KIRREL3: variants seen among roughly 807,000 people sequenced by gnomAD.
The protein encoded by KIRREL3 is kirre like nephrin family adhesion molecule 3.
In KIRREL3, 36 loss-of-function variants were observed where a neutral mutation model predicts 89.7. The ratio of observed to expected loss-of-function variants is 0.40; its 90% CI spans 0.31 to 0.53. KIRREL3 has a LOEUF of 0.53. KIRREL3 is among the 20% of genes least tolerant of loss of function. The probability of loss-of-function intolerance (pLI) is 0.49; values close to 1 mark genes in which losing one functional copy is unlikely to be tolerated. For missense variants in KIRREL3, 864 were observed against 1,056.6 expected (o/e 0.82, Z 2.53); for synonymous variants, 445 against 441.4 (o/e 1.01, Z -0.10).
chr11:126,726,156 A>C (rs1299834497), intron 1 of KIRREL3, among the ~76,000 whole-genome samples: 1 of 152,118 alleles, frequency 6.6e-6, no homozygotes, highest in Non-Finnish European at 1.5e-5. Context: ...CTAAGGCTCC[A>C]CTGAACCCAG....
intron 1 of KIRREL3, among the ~76,000 whole-genome samples, chr11:126,951,646 T>C (rs1273023667): frequency 6.6e-6 from 1 of 152,220 alleles, no homozygotes; most frequent in Non-Finnish European, 1.5e-5. Flanking sequence ...GCCTACTTCC[T>C]CCTTCTCTTC....
Position 126,476,574 on chromosome 11 carries a change from C to T in KIRREL3, c.434-3108G>A, listed in dbSNP as rs1957072313. On this transcript the variant is annotated intron_variant, in intron 4 of 16. Coordinates refer to ENST00000525144, the MANE Select transcript of KIRREL3 (RefSeq NM_032531.4). This position sits in a 1 kb window ranked among gnomAD's most constrained non-coding sequence, Gnocchi z 6.4. ...CAGAATGGGGCCTGATTACATCTTC[C>T]CAAATAAGTGGTTATCATGCTGGGT... 2.0e-5 allele frequency among the ~76,000 whole-genome samples: 3 copies of T among 150,404 alleles called. No individual in the cohort carries two copies. Among genetic ancestry groups the T allele is most frequent in the Non-Finnish European group, 4.4e-5 (3 of 67,774 alleles).
At chr11:126,939,374 T>C (rs1948341819) in intron 1 of KIRREL3, among the ~76,000 whole-genome samples, 1 of 152,168 alleles carries the variant, frequency 6.6e-6, no homozygotes, top group African/African-American at 2.4e-5. Context: ...CTCTTAAACA[T>C]GGGGCATCCA....
At chr11:126,602,482 C>T (rs886970622) in intron 1 of KIRREL3, among the ~76,000 whole-genome samples, 1 of 152,222 alleles carries the variant, frequency 6.6e-6, no homozygotes, top group Non-Finnish European at 1.5e-5. Flanking sequence ...TCACAACCAT[C>T]CTGTGCTGTC....
At position 126,748,212 on chromosome 11, in the gene KIRREL3, G is replaced by A. The variant is rs1286724017; in HGVS notation, c.56-185300C>T. Among the ~76,000 whole-genome samples the A allele has an allele frequency of 1.3e-5, 2 of 152,194 alleles. No homozygotes were observed. Among genetic ancestry groups the A allele is most frequent in the African/African-American group, 4.8e-5 (2 of 41,462 alleles). Reference sequence around the variant, plus strand: ...CAAGAAGCTGCCTGGATGCTTTCTGGCCTTCTGGGTGTGCAGACAATCTCA... The same window carrying A: ...CAAGAAGCTGCCTGGATGCTTTCTGACCTTCTGGGTGTGCAGACAATCTCA... On this transcript the variant is annotated intron_variant, in intron 1 of 16. Transcript: ENST00000525144. The surrounding 1 kb of genome is among the most constrained non-coding windows in gnomAD (Gnocchi z 4.6).
rs1948696154 is a variant in KIRREL3, at chr11:126,948,883, C to A, written c.55+51572G>T. On this transcript the variant is annotated intron_variant, in intron 1 of 16. Coordinates refer to ENST00000525144, the MANE Select transcript of KIRREL3 (RefSeq NM_032531.4). The surrounding 1 kb of genome is among the most constrained non-coding windows in gnomAD (Gnocchi z 4.5). ...ACATAATCCCCAACCCTACAGCCTC[C>A]AAAACATAATCCCATATACATATAC... 6.6e-6 allele frequency among the ~76,000 whole-genome samples: 1 copy of A among 152,126 alleles called. No individual in the cohort carries two copies. The highest frequency in any genetic ancestry group is 6.5e-5 in the Admixed American group (1 of 15,274).
At chr11:126,433,307 G>T (rs1248606952) in intron 13 of KIRREL3, among the ~76,000 whole-genome samples, 1 of 152,210 alleles carries the variant, frequency 6.6e-6, no homozygotes, top group Non-Finnish European at 1.5e-5. Context: ...TAAGCCTCTT[G>T]CTGTCTTTTT....
chr11:126,727,075 G>A (rs1948416887), intron 1 of KIRREL3, among the ~76,000 whole-genome samples: 1 of 152,038 alleles, frequency 6.6e-6, no homozygotes, highest in Non-Finnish European at 1.5e-5. Context: ...GAGTGCTTCT[G>A]AAAGGCAGAG....
rs997346521 is a variant in KIRREL3, at chr11:126,891,601, C to T, written c.55+108854G>A. On this transcript the variant is annotated intron_variant, in intron 1 of 16. Transcript: ENST00000525144. This position sits in a 1 kb window ranked among gnomAD's most constrained non-coding sequence, Gnocchi z 5.1. ...ATCACTATCACTGTCAGGGAGCAAA[C>T]GGCAGAAGCCAGTCTCAGGGAAGCC... 4.6e-5 allele frequency among the ~76,000 whole-genome samples: 7 copies of T among 152,222 alleles called. No homozygotes were observed. Among genetic ancestry groups the T allele is most frequent in the Non-Finnish European group, 8.8e-5 (6 of 68,040 alleles).
In KIRREL3 at chr11:126,578,932, C is replaced by A. The variant is rs917336967; in HGVS notation, c.56-16020G>T. On this transcript the variant is annotated intron_variant, in intron 1 of 16. Coordinates refer to ENST00000525144, the MANE Select transcript of KIRREL3 (RefSeq NM_032531.4). The surrounding 1 kb of genome is among the most constrained non-coding windows in gnomAD (Gnocchi z 4.9). ...CACTCTCTCACTTATCCTCACCATG[C>A]CTAGAGATGGGACTTTGTCTCCATG... Among the ~76,000 whole-genome samples, 2 of 152,130 alleles carry A rather than the reference C, an allele frequency of 1.3e-5. No homozygotes were observed. Among genetic ancestry groups the A allele is most frequent in the Non-Finnish European group, 2.9e-5 (2 of 68,032 alleles).
At chr11:126,464,830 C>T (rs539228097) in intron 5 of KIRREL3, among the ~76,000 whole-genome samples, 1 of 152,320 alleles carries the variant, frequency 6.6e-6, no homozygotes, top group South Asian at 2.1e-4. Flanking sequence ...TAATTGATTT[C>T]TGTTGTGTCA....
rs1054558960 is a variant in KIRREL3 at position 126,513,989 on chromosome 11, C to T, written c.433+7326G>A. Among the ~76,000 whole-genome samples the T allele has an allele frequency of 1.6e-4, 24 of 152,064 alleles. No homozygotes were observed. The highest frequency in any genetic ancestry group is 5.6e-4 in the African/African-American group (23 of 41,396). On this transcript the variant is annotated intron_variant, in intron 4 of 16. Coordinates refer to ENST00000525144, the MANE Select transcript of KIRREL3 (RefSeq NM_032531.4). The surrounding 1 kb of genome is among the most constrained non-coding windows in gnomAD (Gnocchi z 5.9). The stretch of plus-strand genomic sequence containing the variant: ...TATCACCTGCCCAGCAGGTGAGCTC[C>T]GAGTTAGATGGGAGGCTAAGGTGGT...
In KIRREL3 at chr11:126,891,144, G is replaced by A. The variant is rs1334422337; in HGVS notation, c.55+109311C>T. 6.6e-6 allele frequency among the ~76,000 whole-genome samples: 1 copy of A among 152,162 alleles called. No individual in the cohort carries two copies. The highest frequency in any genetic ancestry group is 2.4e-5 in the African/African-American group (1 of 41,424). On this transcript the variant is annotated intron_variant, in intron 1 of 16. Transcript: ENST00000525144. This position sits in a 1 kb window ranked among gnomAD's most constrained non-coding sequence, Gnocchi z 5.1. ...TAGCTTCTGCATTTAATGGCACATGGGTTTGAAGTGTACATAAGCCACAGT... is the reference window on the plus strand; with the variant it reads ...TAGCTTCTGCATTTAATGGCACATGAGTTTGAAGTGTACATAAGCCACAGT...
At chr11:126,786,601 C>G (rs1950494774) in intron 1 of KIRREL3, among the ~76,000 whole-genome samples, 2 of 152,224 alleles carry the variant, frequency 1.3e-5, no homozygotes, top group Non-Finnish European at 2.9e-5. Context: ...ACACTGACTT[C>G]CTCCAGGATC....
chr11:126,842,646 C>T (rs954044755), intron 1 of KIRREL3, among the ~76,000 whole-genome samples: 4 of 152,172 alleles, frequency 2.6e-5, no homozygotes, highest in African/African-American at 9.6e-5. Flanking sequence ...GCTTGGCCTA[C>T]ACGTGTTGGT....
At chr11:126,975,918 TCCTCCCTC>T (rs1191282647) in intron 1 of KIRREL3, among the ~76,000 whole-genome samples, 1 of 36,530 alleles carries the variant, frequency 2.7e-5, no homozygotes, top group Non-Finnish European at 4.6e-5. Flanking sequence ...CTCCCTCCCT[TCCTCCCTC>T]CCTCCCTCCC....
In KIRREL3 at chr11:126,669,596, G is replaced by A. The variant is rs929738502; in HGVS notation, c.56-106684C>T. 9.2e-5 allele frequency among the ~76,000 whole-genome samples: 14 copies of A among 152,108 alleles called. No homozygotes were observed. The highest frequency in any genetic ancestry group is 8.5e-4 in the Admixed American group (13 of 15,264). The stretch of plus-strand genomic sequence containing the variant: ...CACACATGGAACATTTGCTAACTCC[G>A]TGGTTGACTCATTCAAGCCCTCCCA... On this transcript the variant is annotated intron_variant, in intron 1 of 16. Transcript: ENST00000525144. This position sits in a 1 kb window ranked among gnomAD's most constrained non-coding sequence, Gnocchi z 5.0.
rs1300216646 is a variant in KIRREL3, at chr11:126,683,010, A to C, written c.56-120098T>G. 6.6e-6 allele frequency among the ~76,000 whole-genome samples: 1 copy of C among 152,124 alleles called. No individual in the cohort carries two copies. Among genetic ancestry groups the C allele is most frequent in the African/African-American group, 2.4e-5 (1 of 41,430 alleles). On this transcript the variant is annotated intron_variant, in intron 1 of 16. Coordinates refer to ENST00000525144, the MANE Select transcript of KIRREL3 (RefSeq NM_032531.4). This position sits in a 1 kb window ranked among gnomAD's most constrained non-coding sequence, Gnocchi z 5.2. ...GCTAGGACTTCAGGCATGCACTACT[A>C]TGCCTGGGTAACTTTTTTGATTTTT...
At chr11:126,932,356 G>A (rs986765861) in intron 1 of KIRREL3, among the ~76,000 whole-genome samples, 2 of 152,126 alleles carry the variant, frequency 1.3e-5, no homozygotes, top group African/African-American at 4.8e-5. Flanking sequence ...GAGGTTTTCG[G>A]CCCGCACAGA....
Sources: gnomAD v4.1 joint callset for allele counts (sites outside exome capture counted in the v4.1 genomes callset) on GRCh38, gnomAD v4.1.1 for gene constraint, Gnocchi (gnomAD v3.1) non-coding constraint, MANE v1.5 for transcripts, NCBI Gene and HGNC (gene_info 2026-07-23, HGNC 2026-07-21) for gene names.